The following SPAG16 variants were observed in gnomAD, a reference collection of about 807,000 sequenced individuals.
SPAG16 encodes sperm associated antigen 16.
SPAG16 carries 86 observed loss-of-function variants against 80.4 expected under a neutral mutation model. The ratio of observed to expected loss-of-function variants is 1.07; its 90% CI spans 0.90 to 1.28. The LOEUF (loss-of-function observed/expected upper bound fraction) is 1.28. Among genes scored for constraint, SPAG16 ranks in the 50% most tolerant of loss-of-function variants. The pLI is 0.00. For missense variants in SPAG16, 870 were observed against 765.3 expected (o/e 1.14, Z -1.61); for synonymous variants, 294 against 265.9 (o/e 1.11, Z -1.03).
At chr2:213,890,979 T>A (rs1559556993) in intron 11 of SPAG16, among the ~76,000 whole-genome samples, 1 of 152,178 alleles carries the variant, frequency 6.6e-6, no homozygotes, top group East Asian at 1.9e-4. Context: ...ATCACTTTTT[T>A]AATGTTATTT....
At chr2:213,374,272 C>G (rs998238546) in intron 8 of SPAG16, among the ~76,000 whole-genome samples, 1 of 152,136 alleles carries the variant, frequency 6.6e-6, no homozygotes, top group African/African-American at 2.4e-5. Context: ...TGAAATCATC[C>G]AGACATTTCT....
intron 15 of SPAG16, among the ~76,000 whole-genome samples, chr2:214,334,152 G>A (rs1268688436): frequency 4.6e-5 from 7 of 152,018 alleles, no homozygotes; most frequent in East Asian, 1.9e-4. Context: ...TATCTCCTTC[G>A]GCATGCAGTT....
At chr2:214,055,823 T>A (rs1576001284) in intron 13 of SPAG16, among the ~76,000 whole-genome samples, 1 of 152,174 alleles carries the variant, frequency 6.6e-6, no homozygotes, top group Admixed American at 6.5e-5. Context: ...TGTTTTATAC[T>A]ACATAAAATT....
chr2:213,450,269 A>G (rs1451203154), intron 9 of SPAG16, among the ~76,000 whole-genome samples: 2 of 152,164 alleles, frequency 1.3e-5, no homozygotes, highest in Admixed American at 6.5e-5. Flanking sequence ...GTGCCACTGC[A>G]CTCCAGCCTG....
intron 7 of SPAG16, among the ~76,000 whole-genome samples, chr2:213,354,220 C>A (rs997036164): frequency 6.6e-6 from 1 of 152,192 alleles, no homozygotes. Flanking sequence ...ATGAACTCAT[C>A]CTTTTTTATG....
At chr2:214,265,063 C>T (rs1398558161) in intron 15 of SPAG16, among the ~76,000 whole-genome samples, 1 of 152,062 alleles carries the variant, frequency 6.6e-6, no homozygotes, top group Non-Finnish European at 1.5e-5. Context: ...CGTGTTTTTG[C>T]AATTATGGGA....
chr2:213,623,195 A>G (rs2125058809), intron 10 of SPAG16, among the ~76,000 whole-genome samples: 1 of 152,274 alleles, frequency 6.6e-6, no homozygotes, highest in South Asian at 2.1e-4. Flanking sequence ...TGCTCATGTA[A>G]AATCACTTTT....
At chr2:213,748,518 A>G (rs1303501878) in intron 10 of SPAG16, among the ~76,000 whole-genome samples, 2 of 152,074 alleles carry the variant, frequency 1.3e-5, no homozygotes, top group African/African-American at 2.4e-5. Flanking sequence ...TTTGTAAAAT[A>G]TTATTAGAAT....
chr2:214,317,151 A>C (rs1443048830), intron 15 of SPAG16, among the ~76,000 whole-genome samples: 2 of 152,174 alleles, frequency 1.3e-5, no homozygotes, highest in Admixed American at 1.3e-4. Flanking sequence ...AGACAAAATC[A>C]GGTATCAACT....
chr2:213,564,019 T>C (rs1359626319), intron 10 of SPAG16, among the ~76,000 whole-genome samples: 1 of 152,202 alleles, frequency 6.6e-6, no homozygotes, highest in Non-Finnish European at 1.5e-5. Flanking sequence ...AAAAAGAAGA[T>C]AACATCTACC....
chr2:213,717,903 A>C (rs1191932355), intron 10 of SPAG16, among the ~76,000 whole-genome samples: 1 of 152,182 alleles, frequency 6.6e-6, no homozygotes, highest in Non-Finnish European at 1.5e-5. Context: ...CCCTAGAAGA[A>C]AACCTAGGCA....
chr2:213,685,307 AGAAG>A (rs2064610826), intron 10 of SPAG16, among the ~76,000 whole-genome samples: 1 of 152,234 alleles, frequency 6.6e-6, no homozygotes, highest in East Asian at 1.9e-4. Flanking sequence ...TGTTCTTGTA[AGAAG>A]GAGAAAGGTG....
At chr2:214,373,555 A>T (rs1265042591) in intron 15 of SPAG16, among the ~76,000 whole-genome samples, 1 of 152,186 alleles carries the variant, frequency 6.6e-6, no homozygotes, top group Non-Finnish European at 1.5e-5. Flanking sequence ...TTTATTAATT[A>T]TCCATGTAAA....
intron 13 of SPAG16, among the ~76,000 whole-genome samples, chr2:214,056,280 TAC>T (rs60247479): frequency 0.16 from 23,536 of 144,342 alleles, 1,891 homozygotes; most frequent in Admixed American, 0.19. Context: ...GTAGTAGAAA[TAC>T]ACACACACAC....
chr2:213,390,815 A>C (rs533230861), intron 9 of SPAG16, among the ~76,000 whole-genome samples: 1 of 149,758 alleles, frequency 6.7e-6, no homozygotes, highest in African/African-American at 2.4e-5. Context: ...TATGTTTATT[A>C]ATCAATAATA....
chr2:213,984,916 C>T (rs181963544), intron 12 of SPAG16, among the ~76,000 whole-genome samples: 2 of 152,148 alleles, frequency 1.3e-5, no homozygotes, highest in Non-Finnish European at 2.9e-5. Flanking sequence ...TCATTCAAAT[C>T]TCTCTTTATG....
At chr2:213,345,754 A>C (rs1407342667) in intron 6 of SPAG16, among the ~76,000 whole-genome samples, 1 of 151,110 alleles carries the variant, frequency 6.6e-6, no homozygotes, top group Non-Finnish European at 1.5e-5. Context: ...CTGTTTTGGT[A>C]CCAGTACCGT....
intron 10 of SPAG16, among the ~76,000 whole-genome samples, chr2:213,819,551 T>G (rs1190410998): frequency 6.8e-6 from 1 of 147,768 alleles, no homozygotes; most frequent in East Asian, 2.0e-4. Flanking sequence ...CTTTGAAAAC[T>G]TTTTTTTTTT....
chr2:213,334,343 T>C (rs563128714), intron 5 of SPAG16, among the ~76,000 whole-genome samples: 1 of 152,292 alleles, frequency 6.6e-6, no homozygotes, highest in Admixed American at 6.5e-5. Context: ...GGAACCCTTG[T>C]ACGCTGTTGG....
Sources: gnomAD v4.1 joint callset for allele counts (sites outside exome capture counted in the v4.1 genomes callset) on GRCh38, gnomAD v4.1.1 for gene constraint, MANE v1.5 for transcripts, NCBI Gene and HGNC (gene_info 2026-07-23, HGNC 2026-07-21) for gene names.